Variants in AUTS2 observed in about 807,000 individuals in gnomAD.
AUTS2 encodes the protein activator of transcription and developmental regulator AUTS2.
A neutral mutation model predicts 112.4 loss-of-function variants in AUTS2; 17 were observed. That is an observed-to-expected ratio of 0.15 (90% CI 0.10 to 0.23). The LOEUF (loss-of-function observed/expected upper bound fraction) is 0.23, where lower values mean the gene tolerates loss of function less well. AUTS2 is among the 10% of genes least tolerant of loss of function. The pLI, the probability that AUTS2 is intolerant of heterozygous loss-of-function variation, is 1.00. For synonymous variants in AUTS2, 751 were observed against 702.7 expected (o/e 1.07, Z -1.09); for missense variants, 1,510 against 1,701.6 (o/e 0.89, Z 1.98).
At chr7:70,480,946 A>G (rs1797764932) in intron 5 of AUTS2, among the ~76,000 whole-genome samples, 1 of 152,194 alleles carries the variant, frequency 6.6e-6, no homozygotes. Flanking sequence ...TGCTGAGGAA[A>G]GATACGGAGG....
At chr7:70,493,589 A>G (rs1271555032) in intron 5 of AUTS2, among the ~76,000 whole-genome samples, 1 of 152,160 alleles carries the variant, frequency 6.6e-6, no homozygotes, top group Non-Finnish European at 1.5e-5. Context: ...TTGCTCCCCC[A>G]GAGAGCTGGG....
rs1277085487 is a variant in AUTS2 at position 70,609,579 on chromosome 7, TG to T, written c.691-88989del. On this transcript the variant is annotated intron_variant, in intron 5 of 18. Coordinates refer to ENST00000342771, the MANE Select transcript of AUTS2 (RefSeq NM_015570.4). ...CAAGCTAATTTTGTTTTTTTTGTTT[TG>T]TTTTTTTTTTTTGTTGTTTTGTTTT... Among the ~76,000 whole-genome samples the T allele has an allele frequency of 4.9e-3, 696 of 140,786 alleles. 5 individuals carry two copies. Among genetic ancestry groups the T allele is most frequent in the African/African-American group, 0.019 (650 of 34,356 alleles). The allele number at this position is 140,786 out of a possible 152,430, so 92.4% of individuals were successfully genotyped here.
intron 4 of AUTS2, among the ~76,000 whole-genome samples, chr7:70,136,946 T>C (rs924848246): frequency 6.6e-6 from 1 of 152,200 alleles, no homozygotes; most frequent in Non-Finnish European, 1.5e-5. Context: ...CCTGAGTATA[T>C]ACATGTGCAG....
chr7:69,759,625 G>C (rs1199019277), intron 1 of AUTS2, among the ~76,000 whole-genome samples: 1 of 152,052 alleles, frequency 6.6e-6, no homozygotes, highest in East Asian at 1.9e-4. Context: ...ACTATTGCAT[G>C]TTGTGCATTG....
chr7:70,081,604 C>T (rs926160485), intron 2 of AUTS2, among the ~76,000 whole-genome samples: 1 of 151,908 alleles, frequency 6.6e-6, no homozygotes, highest in African/African-American at 2.4e-5. Context: ...ACAAAATGGT[C>T]TTTTGCCTCT....
intron 1 of AUTS2, among the ~76,000 whole-genome samples, chr7:69,740,206 C>T (rs750883792): frequency 1.3e-5 from 2 of 151,968 alleles, no homozygotes; most frequent in African/African-American, 2.4e-5. Context: ...GCTGCTTCTT[C>T]GATGTTCTGT....
At chr7:69,721,793 T>C (rs1798958995) in intron 1 of AUTS2, among the ~76,000 whole-genome samples, 1 of 152,198 alleles carries the variant, frequency 6.6e-6, no homozygotes, top group African/African-American at 2.4e-5. Flanking sequence ...TCTTCTAGGC[T>C]ATCAAAGCAG....
At chr7:69,727,613 A>G (rs1291285892) in intron 1 of AUTS2, among the ~76,000 whole-genome samples, 1 of 152,052 alleles carries the variant, frequency 6.6e-6, no homozygotes, top group African/African-American at 2.4e-5. Context: ...AAAAAAATAA[A>G]AAATCAGTTG....
chr7:69,689,893 C>T (rs1295317432), intron 1 of AUTS2, among the ~76,000 whole-genome samples: 8 of 143,228 alleles, frequency 5.6e-5, no homozygotes, highest in South Asian at 2.3e-4. Context: ...TTCACCATGT[C>T]GGTCGGCCAG....
At chr7:70,593,014 ACTT>A (rs949777105) in intron 5 of AUTS2, among the ~76,000 whole-genome samples, 3 of 147,104 alleles carry the variant, frequency 2.0e-5, no homozygotes. Flanking sequence ...CATGCTAGCT[ACTT>A]TTTTTTTTTT....
chr7:70,638,306 G>C (rs985687538), intron 5 of AUTS2, among the ~76,000 whole-genome samples: 1 of 152,156 alleles, frequency 6.6e-6, no homozygotes, highest in African/African-American at 2.4e-5. Flanking sequence ...TTCCCGAACA[G>C]TAAACCCCAG....
At chr7:69,633,437 A>G (rs1794364374) in intron 1 of AUTS2, among the ~76,000 whole-genome samples, 2 of 152,022 alleles carry the variant, frequency 1.3e-5, no homozygotes, top group African/African-American at 4.8e-5. Flanking sequence ...TAAGGGGGAG[A>G]TTTCATTTCT....
intron 4 of AUTS2, among the ~76,000 whole-genome samples, chr7:70,307,272 T>C (rs1010612767): frequency 1.3e-5 from 2 of 152,218 alleles, no homozygotes; most frequent in African/African-American, 4.8e-5. Context: ...TTTCAAGGTG[T>C]TTGACCACAT....
At chr7:69,938,880 A>C (rs1167911443) in intron 2 of AUTS2, among the ~76,000 whole-genome samples, 2 of 152,246 alleles carry the variant, frequency 1.3e-5, no homozygotes, top group African/African-American at 4.8e-5. Flanking sequence ...TGTGCTTACA[A>C]TGGTGAAGAT....
chr7:70,151,514 C>T (rs958549902), intron 4 of AUTS2, among the ~76,000 whole-genome samples: 8 of 152,132 alleles, frequency 5.3e-5, no homozygotes, highest in African/African-American at 1.7e-4. Flanking sequence ...ATTCTTGTTG[C>T]CCAAGCTGGA....
intron 1 of AUTS2, among the ~76,000 whole-genome samples, chr7:69,730,299 C>G (rs896873813): frequency 6.6e-6 from 1 of 151,882 alleles, no homozygotes; most frequent in Admixed American, 6.6e-5. Flanking sequence ...CATTACAAAG[C>G]AGTTTATGAA....
intron 5 of AUTS2, among the ~76,000 whole-genome samples, chr7:70,568,561 C>G (rs1258371667): frequency 6.6e-6 from 1 of 152,178 alleles, no homozygotes. Context: ...TGCCTCATCC[C>G]CATCTTCTCC....
intron 5 of AUTS2, among the ~76,000 whole-genome samples, chr7:70,445,051 T>A (rs1796267883): frequency 6.6e-6 from 1 of 152,218 alleles, no homozygotes; most frequent in East Asian, 1.9e-4. Context: ...ATTGCATTAT[T>A]CAAAACACTT....
chr7:70,134,244 C>T (rs921200698), intron 3 of AUTS2, among the ~76,000 whole-genome samples: 2 of 152,106 alleles, frequency 1.3e-5, no homozygotes, highest in Admixed American at 6.6e-5. Flanking sequence ...GGCGAAATGC[C>T]ATCATTAATT....
Sources: gnomAD v4.1 joint callset for allele counts (sites outside exome capture counted in the v4.1 genomes callset) on GRCh38, gnomAD v4.1.1 for gene constraint, MANE v1.5 for transcripts, NCBI Gene and HGNC (gene_info 2026-07-23, HGNC 2026-07-21) for gene names.